Variants in JARID2 observed in about 807,000 individuals in gnomAD.
JARID2 encodes jumonji and AT-rich interaction domain containing 2, also known as protein Jumonji.
JARID2 carries 21 observed loss-of-function variants against 125.6 expected under a neutral mutation model. The observed-to-expected ratio is 0.17, with a 90% CI of 0.12 to 0.24. The LOEUF (loss-of-function observed/expected upper bound fraction) is 0.24, where lower values mean the gene tolerates loss of function less well. JARID2 is among the 10% of genes least tolerant of loss of function. The pLI is 1.00. For missense variants in JARID2, 1,303 were observed against 1,639.6 expected, an observed-to-expected ratio of 0.79 and a Z score of 3.55; for synonymous variants, 736 against 661.6, an observed-to-expected ratio of 1.11 and a Z score of -1.73.
At chr6:15,335,299 C>T (rs1027461432) in intron 1 of JARID2, among the ~76,000 whole-genome samples, 1 of 152,010 alleles carries the variant, frequency 6.6e-6, no homozygotes, top group African/African-American at 2.4e-5. Flanking sequence ...AGGGTTTCAC[C>T]GTGTTGGCCA....
rs1759186874 is a variant in JARID2, at chr6:15,246,460, G to T, written c.-80G>T. ...CACCAACAACAATAAAAACCACCAG[G>T]ATATTTTTTTGCAAATTTCTGACGG... is the stretch of plus-strand genomic sequence containing the variant. On this transcript the variant is annotated 5_prime_UTR_variant, in exon 1 of 18. Transcript: ENST00000341776. The T allele has an allele frequency of 3.4e-6, 4 of 1,186,970 alleles. No individual in the cohort carries two copies. Among genetic ancestry groups the T allele is most frequent in the Non-Finnish European group, 5.0e-6 (4 of 798,732 alleles). The allele number at this position is 1,186,970 out of a possible 1,614,324, so 73.5% of individuals were successfully genotyped here.
intron 2 of JARID2, among the ~76,000 whole-genome samples, chr6:15,406,356 C>G (rs1288262587): frequency 1.3e-5 from 2 of 152,186 alleles, no homozygotes. Context: ...ACTGCTTGAA[C>G]CTGGGAGGCG....
chr6:15,261,292 G>T (rs992021669), intron 1 of JARID2, among the ~76,000 whole-genome samples: 1 of 149,614 alleles, frequency 6.7e-6, no homozygotes, highest in African/African-American at 2.5e-5. Context: ...GGCCTTGGAT[G>T]GTGTTTTTTC....
chr6:15,282,587 CT>C (rs200552406), intron 1 of JARID2, among the ~76,000 whole-genome samples: 13,978 of 149,896 alleles, frequency 0.093, 730 homozygotes, highest in East Asian at 0.16. Context: ...GTCTCTCCCC[CT>C]CTCCTCTCTT....
chr6:15,341,516 G>C (rs1763070625), intron 1 of JARID2, among the ~76,000 whole-genome samples: 1 of 152,144 alleles, frequency 6.6e-6, no homozygotes, highest in Non-Finnish European at 1.5e-5. Flanking sequence ...CCATATTATA[G>C]GTACTGAGTC....
chr6:15,489,068 G>T (rs1433829551), intron 6 of JARID2, among the ~76,000 whole-genome samples: 1 of 152,180 alleles, frequency 6.6e-6, no homozygotes. Context: ...CAATGTGTAA[G>T]GTTTTTGCTC....
intron 3 of JARID2, among the ~76,000 whole-genome samples, chr6:15,424,650 G>A (rs1206903804): frequency 6.6e-6 from 1 of 152,102 alleles, no homozygotes; most frequent in African/African-American, 2.4e-5. Context: ...CTGAGGTCGG[G>A]AGTTCGAGAC....
At chr6:15,337,032 A>G (rs1263825238) in intron 1 of JARID2, among the ~76,000 whole-genome samples, 2 of 152,148 alleles carry the variant, frequency 1.3e-5, no homozygotes, top group East Asian at 3.9e-4. Context: ...GAAAGGTTCC[A>G]TTGTCCTCCT....
In JARID2 at chr6:15,388,417, C is replaced by G. The variant is rs540262971; in HGVS notation, c.181+14165C>G. ...TTTTTAAGCTCACCTGCTGCCAAATCTCATCTATCCTTTTAGCTTCCTCTA... is the reference window on the plus strand; with the variant it reads ...TTTTTAAGCTCACCTGCTGCCAAATGTCATCTATCCTTTTAGCTTCCTCTA... On this transcript the variant is annotated intron_variant, in intron 2 of 17. Transcript: ENST00000341776. Among the ~76,000 whole-genome samples, 45 of 152,060 alleles carry G rather than the reference C, an allele frequency of 3.0e-4. No homozygotes were observed. The South Asian group carries it at 9.1e-3, about 31-fold the overall frequency.
chr6:15,336,030 A>G (rs1762864280), intron 1 of JARID2, among the ~76,000 whole-genome samples: 1 of 152,182 alleles, frequency 6.6e-6, no homozygotes, highest in Admixed American at 6.5e-5. Context: ...GGTTGCAGTG[A>G]GCTGAGATTG....
At chr6:15,319,295 TAA>T (rs1259805012) in intron 1 of JARID2, among the ~76,000 whole-genome samples, 1 of 152,200 alleles carries the variant, frequency 6.6e-6, no homozygotes, top group Non-Finnish European at 1.5e-5. Flanking sequence ...ACAATAATTT[TAA>T]AAGAGTTGCT....
intron 1 of JARID2, among the ~76,000 whole-genome samples, chr6:15,360,558 C>G (rs1011325602): frequency 6.6e-6 from 1 of 152,158 alleles, no homozygotes; most frequent in Non-Finnish European, 1.5e-5. Flanking sequence ...TCATAGCTCA[C>G]TGTAACCTCA....
At chr6:15,257,678 A>G (rs534026611) in intron 1 of JARID2, among the ~76,000 whole-genome samples, 1 of 152,340 alleles carries the variant, frequency 6.6e-6, no homozygotes, top group Admixed American at 6.5e-5. Flanking sequence ...CTTTCCTAGT[A>G]CATTGCTTTC....
At chr6:15,400,764 C>A in intron 2 of JARID2, 1 of 982,980 alleles carries the variant, frequency 1.0e-6, no homozygotes, top group Non-Finnish European at 1.2e-6. Context: ...GCTGCCTCCC[C>A]TCCCCCTCGG....
rs575846243 is a variant in JARID2 at position 15,256,529 on chromosome 6, G to A, written c.45+9945G>A. Among the ~76,000 whole-genome samples the A allele has an allele frequency of 5.3e-5, 8 of 152,178 alleles. No homozygotes were observed. The East Asian group carries it at 1.3e-3, about 26-fold the overall frequency. The stretch of plus-strand genomic sequence containing the variant: ...TAGTGGCTCTCTGGTCCTCAGGATC[G>A]AATCTAAACCAACTTTGTTCCCAGC... On this transcript the variant is annotated intron_variant, in intron 1 of 17. Transcript: ENST00000341776.
At chr6:15,337,435 T>TGG (rs1762914177) in intron 1 of JARID2, among the ~76,000 whole-genome samples, 1 of 152,024 alleles carries the variant, frequency 6.6e-6, no homozygotes, top group African/African-American at 2.4e-5. Flanking sequence ...CCAGCTTGGG[T>TGG]GGCTATGCAT....
chr6:15,505,639 A>T (rs1389747414), intron 9 of JARID2, among the ~76,000 whole-genome samples: 2 of 152,124 alleles, frequency 1.3e-5, no homozygotes, highest in Non-Finnish European at 2.9e-5. Context: ...CGCCATTTTC[A>T]TCGTCTTAGG....
chr6:15,362,406 ATTC>A (rs1763830301), intron 1 of JARID2, among the ~76,000 whole-genome samples: 1 of 152,156 alleles, frequency 6.6e-6, no homozygotes, highest in South Asian at 2.1e-4. Flanking sequence ...TGGACTTTTT[ATTC>A]TTGTCTCTTG....
intron 1 of JARID2, among the ~76,000 whole-genome samples, chr6:15,323,728 T>C (rs1056863090): frequency 9.2e-5 from 14 of 151,946 alleles, no homozygotes; most frequent in Admixed American, 2.6e-4. Context: ...GATTCTCTCT[T>C]TACTCAAAAT....
Sources: gnomAD v4.1 joint callset for allele counts (sites outside exome capture counted in the v4.1 genomes callset) on GRCh38, gnomAD v4.1.1 for gene constraint, MANE v1.5 for transcripts, NCBI Gene and HGNC (gene_info 2026-07-23, HGNC 2026-07-21) for gene names.